FHIP1A: variants seen among roughly 807,000 people sequenced by gnomAD.
FHIP1A encodes the protein FHF complex subunit HOOK interacting protein 1A.
A neutral mutation model predicts 88.6 loss-of-function variants in FHIP1A; 61 were observed. That is an observed-to-expected ratio of 0.69 (90% CI 0.56 to 0.85). The LOEUF (loss-of-function observed/expected upper bound fraction) is 0.85, where lower values mean the gene tolerates loss of function less well. Among genes scored for constraint, FHIP1A ranks in the 40% least tolerant of loss-of-function variants. The probability of loss-of-function intolerance (pLI) is 0.00; values close to 1 mark genes in which losing one functional copy is unlikely to be tolerated. For synonymous variants in FHIP1A, 478 were observed against 496.0 expected, an observed-to-expected ratio of 0.96 and a Z score of 0.48; for missense variants, 1,154 against 1,273.5, an observed-to-expected ratio of 0.91 and a Z score of 1.43.
rs945544674 is a variant in FHIP1A, at chr4:151,586,714, A to C, written c.806A>C (p.His269Pro). 4 of 1,551,254 alleles carry C rather than the reference A, an allele frequency of 2.6e-6. No homozygotes were observed. The highest frequency in any genetic ancestry group is 3.5e-6 in the Non-Finnish European group (4 of 1,146,748). ...CTAGAAGAGAAAGGCGAGGAATGGC[A>C]CTGCCTTCTGAAAGATGACTGGCTT... ...TKLEEKGEEW[H>P]CLLKDDWLLL... Residue 269 changes from histidine (H) to proline (P), a missense_variant, in exon 6 of 14, where the codon CAC becomes CCC. Physicochemically the swap from His to Pro is moderately conservative, Grantham distance 77. Transcript: ENST00000435205.
Position 151,656,200 on chromosome 4 carries a change from G to T in FHIP1A, c.2552-32G>T. The T allele has an allele frequency of 6.5e-7, 1 of 1,539,016 alleles. No homozygotes were observed. The highest frequency in any genetic ancestry group is 8.8e-7 in the Non-Finnish European group (1 of 1,136,332). The stretch of plus-strand genomic sequence containing the variant: ...AGGGAAAGGCATCCCTGTGAGCCCA[G>T]CCAGCCCTGAAGCCTTGTGTTCTTC... On this transcript the variant is annotated intron_variant, in intron 11 of 13. Transcript: ENST00000435205. This position sits in a 1 kb window ranked among gnomAD's most constrained non-coding sequence, Gnocchi z 4.2.
intron 7 of FHIP1A, among the ~76,000 whole-genome samples, chr4:151,613,992 G>T (rs1735419831): frequency 6.6e-6 from 1 of 151,996 alleles, no homozygotes; most frequent in Non-Finnish European, 1.5e-5. Context: ...GTGAAACCCT[G>T]TCCCTACTAA....
At chr4:151,470,453 A>T (rs985890501) in intron 2 of FHIP1A, among the ~76,000 whole-genome samples, 2 of 152,296 alleles carry the variant, frequency 1.3e-5, no homozygotes, top group Non-Finnish European at 2.9e-5. Context: ...GGGGTCACTG[A>T]GTAGATGTTG....
intron 9 of FHIP1A, 97 bp from the exon 10 acceptor site, chr4:151,646,461 C>T (rs1165231524): frequency 6.2e-5 from 47 of 762,738 alleles, no homozygotes; most frequent in Non-Finnish European, 8.6e-5. Flanking sequence ...GATGAGTCTG[C>T]CCCTGGCCAC....
At chr4:151,615,113 A>G (rs1471071122) in intron 7 of FHIP1A, among the ~76,000 whole-genome samples, 1 of 152,192 alleles carries the variant, frequency 6.6e-6, no homozygotes, top group African/African-American at 2.4e-5. Flanking sequence ...TAAATCCTCT[A>G]AAACGCCATC....
chr4:151,466,871 A>C (rs1729333109), intron 2 of FHIP1A, among the ~76,000 whole-genome samples: 1 of 152,228 alleles, frequency 6.6e-6, no homozygotes, highest in South Asian at 2.1e-4. Context: ...CCAAAACCAT[A>C]AAAACCCTAG....
chr4:151,668,380 A>G lies in FHIP1A; in HGVS notation c.*5626A>G, dbSNP rs577386292. ...CTGTGTCCTGAACTAACCAACTCCA[A>G]GCTGAAGGAGGGTGTGTACTTTCCG... is the stretch of plus-strand genomic sequence containing the variant. On this transcript the variant is annotated 3_prime_UTR_variant, in exon 14 of 14. Coordinates refer to ENST00000435205, the MANE Select transcript of FHIP1A (RefSeq NM_001109977.3). 6.6e-6 allele frequency among the ~76,000 whole-genome samples: 1 copy of G among 152,292 alleles called. No homozygotes were observed. The highest frequency in any genetic ancestry group is 2.4e-5 in the African/African-American group (1 of 41,562).
chr4:151,528,519 G>C (rs886901314), intron 3 of FHIP1A, among the ~76,000 whole-genome samples: 2 of 152,188 alleles, frequency 1.3e-5, no homozygotes, highest in Non-Finnish European at 2.9e-5. Flanking sequence ...GACCCCAAAG[G>C]TGCTCCAGAA....
intron 3 of FHIP1A, among the ~76,000 whole-genome samples, chr4:151,484,493 G>A (rs918554433): frequency 2.2e-4 from 33 of 152,178 alleles, no homozygotes; most frequent in African/African-American, 8.0e-4. Flanking sequence ...GAGTAGCTTA[G>A]GTGGTTGTAG....
At chr4:151,579,529 T>C (rs1176584336) in intron 5 of FHIP1A, among the ~76,000 whole-genome samples, 1 of 152,218 alleles carries the variant, frequency 6.6e-6, no homozygotes, top group African/African-American at 2.4e-5. Context: ...GGAGAGCAGG[T>C]ATTGTAACAA....
chr4:151,510,602 G>A (rs1044992070), intron 3 of FHIP1A, among the ~76,000 whole-genome samples: 1 of 152,150 alleles, frequency 6.6e-6, no homozygotes, highest in Non-Finnish European at 1.5e-5. Flanking sequence ...TCTGTCCTAG[G>A]GATCTTACTA....
At chr4:151,648,960 C>T (rs921676614) in intron 10 of FHIP1A, among the ~76,000 whole-genome samples, 7 of 152,022 alleles carry the variant, frequency 4.6e-5, no homozygotes, top group African/African-American at 9.7e-5. Context: ...ATCAACATCC[C>T]TGATAGTCCC....
chr4:151,448,614 C>T (rs1728688706), intron 1 of FHIP1A, among the ~76,000 whole-genome samples: 1 of 152,274 alleles, frequency 6.6e-6, no homozygotes, highest in South Asian at 2.1e-4. Flanking sequence ...CAAAGGTCAT[C>T]CATGGTTTAA....
At chr4:151,654,396 A>G (rs1737152653) in intron 11 of FHIP1A, among the ~76,000 whole-genome samples, 1 of 151,936 alleles carries the variant, frequency 6.6e-6, no homozygotes, top group Admixed American at 6.5e-5. Context: ...TCAGCAGTTT[A>G]GAGTTTGTAG....
chr4:151,649,397 C>T (rs1736913199), intron 10 of FHIP1A, 62 bp from the exon 11 acceptor site: 3 of 1,266,840 alleles, frequency 2.4e-6, no homozygotes, highest in Non-Finnish European at 3.3e-6. Flanking sequence ...GGGTCACAAC[C>T]CCATCCACTA....
At chr4:151,575,481 AG>A (rs1461109631) in intron 4 of FHIP1A, among the ~76,000 whole-genome samples, 2 of 152,142 alleles carry the variant, frequency 1.3e-5, no homozygotes, top group Admixed American at 1.3e-4. Context: ...TGGAGGTTGT[AG>A]GATAGTGGGT....
rs776909482 is a variant in FHIP1A at position 151,639,977 on chromosome 4, G to C, written c.1226+1221G>C. ...TGACATGATTTGAGTAGAGGTTACT[G>C]AGAAGAAGACATTCCAGGTGGATGC... On this transcript the variant is annotated intron_variant, in intron 9 of 13. Transcript: ENST00000435205. Among the ~76,000 whole-genome samples the C allele has an allele frequency of 6.4e-4, 97 of 152,198 alleles. 1 individual carries two copies. Among genetic ancestry groups the C allele is most frequent in the Non-Finnish European group, 8.7e-4 (59 of 68,040 alleles).
chr4:151,646,535 G>A (rs1262129496), intron 9 of FHIP1A, 23 bp from the exon 10 acceptor site: 17 of 1,532,322 alleles, frequency 1.1e-5, no homozygotes, highest in Admixed American at 3.9e-5. Flanking sequence ...GAGACCAAAC[G>A]CTTGTTCTTT....
intron 10 of FHIP1A, among the ~76,000 whole-genome samples, chr4:151,648,267 A>G (rs1736870207): frequency 1.3e-5 from 2 of 152,216 alleles, no homozygotes; most frequent in South Asian, 2.1e-4. Context: ...TCAAAGGGCT[A>G]TTCTCAGGAA....
Sources: allele counts gnomAD v4.1 joint callset (sites outside exome capture counted in the v4.1 genomes callset), GRCh38; gene constraint gnomAD v4.1.1; non-coding constraint Gnocchi (gnomAD v3.1); transcripts MANE v1.5; gene names NCBI Gene and HGNC (gene_info 2026-07-23, HGNC 2026-07-21).